PDE1A: variants seen among roughly 807,000 people sequenced by gnomAD.
PDE1A encodes the protein phosphodiesterase 1A.
In PDE1A, 35 loss-of-function variants were observed where a neutral mutation model predicts 61.7. The ratio of observed to expected loss-of-function variants is 0.57; its 90% CI spans 0.43 to 0.75. PDE1A has a LOEUF of 0.75. Ranked by LOEUF, PDE1A falls within the 30% of genes least tolerant of loss-of-function variation. PDE1A has a pLI of 0.00. For missense variants in PDE1A, 597 were observed against 630.6 expected, an observed-to-expected ratio of 0.95 and a Z score of 0.57; for synonymous variants, 232 against 213.2, an observed-to-expected ratio of 1.09 and a Z score of -0.77.
the PDE1A span, among the ~76,000 whole-genome samples, chr2:182,651,243 G>A: frequency 2.6e-5 from 4 of 152,144 alleles, no homozygotes; most frequent in Non-Finnish European, 5.9e-5. Flanking sequence ...CTGACCTCAA[G>A]TGGTCCACCC....
At chr2:182,635,811 T>C in the PDE1A span, among the ~76,000 whole-genome samples, 1 of 152,038 alleles carries the variant, frequency 6.6e-6, no homozygotes, top group Admixed American at 6.6e-5. Flanking sequence ...AAATAAAAAT[T>C]GTACATATTT....
chr2:182,253,641 T>C (rs991754340), intron 2 of PDE1A, among the ~76,000 whole-genome samples: 19 of 152,172 alleles, frequency 1.2e-4, no homozygotes, highest in Non-Finnish European at 2.5e-4. Context: ...AACTGGTTAA[T>C]ATCAGTTAGG....
At chr2:182,532,471 A>G in the PDE1A span, among the ~76,000 whole-genome samples, 1 of 152,224 alleles carries the variant, frequency 6.6e-6, no homozygotes, top group Middle Eastern at 3.2e-3. Flanking sequence ...GAAATGCAGA[A>G]AAGGCAAATC....
At chr2:182,665,783 A>G in the PDE1A span, among the ~76,000 whole-genome samples, 12 of 152,232 alleles carry the variant, frequency 7.9e-5, no homozygotes, top group Non-Finnish European at 1.5e-4. Context: ...TTATTGCAGC[A>G]CTATTTACAA....
At chr2:182,691,373 C>T in the PDE1A span, among the ~76,000 whole-genome samples, 6 of 152,116 alleles carry the variant, frequency 3.9e-5, no homozygotes, top group Non-Finnish European at 5.9e-5. Flanking sequence ...AGAAATAATA[C>T]CACACATCTA....
intron 1 of PDE1A, among the ~76,000 whole-genome samples, chr2:182,270,406 C>T (rs377672750): frequency 2.6e-5 from 4 of 152,032 alleles, no homozygotes; most frequent in African/African-American, 7.2e-5. Flanking sequence ...TCTAAGCTAC[C>T]GTTACATAAC....
chr2:182,195,510 C>G (rs1559167171), intron 10 of PDE1A, among the ~76,000 whole-genome samples: 1 of 152,012 alleles, frequency 6.6e-6, no homozygotes, highest in Admixed American at 6.6e-5. Context: ...TATGTTTGAC[C>G]AATGTACATA....
Position 182,275,828 on chromosome 2 carries a change from C to T in PDE1A, c.54-11414G>A, listed in dbSNP as rs943560010. ...TCTAACTTTCTAAATGCTCTTTCAA[C>T]CAGTCATAACTTCTTACTGATTCCC... On this transcript the variant is annotated intron_variant, in intron 1 of 13. Coordinates refer to ENST00000351439, the Ensembl canonical transcript of PDE1A. 7.9e-5 allele frequency among the ~76,000 whole-genome samples: 12 copies of T among 152,046 alleles called. No homozygotes were observed. The East Asian group carries it at 2.1e-3, about 27-fold the overall frequency.
chr2:182,698,348 A>C, the PDE1A span, among the ~76,000 whole-genome samples: 3 of 152,242 alleles, frequency 2.0e-5, no homozygotes, highest in Non-Finnish European at 4.4e-5. Flanking sequence ...TCTTAAGGTA[A>C]GAAATCTGAA....
chr2:182,602,992 C>CACACACACACACATACAT, the PDE1A span, among the ~76,000 whole-genome samples: 8 of 130,388 alleles, frequency 6.1e-5, no homozygotes, highest in African/African-American at 2.3e-4. Context: ...CACACACACA[C>CACACACACACACATACAT]ACATACATAC....
the PDE1A span, among the ~76,000 whole-genome samples, chr2:182,627,240 A>AAAATATAAATAATATATTATTT: frequency 1.8e-5 from 1 of 56,460 alleles, no homozygotes; most frequent in Non-Finnish European, 2.9e-5. Flanking sequence ...ATTTATATAT[A>AAAATATAAATAATATATTATTT]AAATATAAAT....
At chr2:182,241,451 C>T (rs933789795) in intron 2 of PDE1A, among the ~76,000 whole-genome samples, 2 of 152,172 alleles carry the variant, frequency 1.3e-5, no homozygotes, top group African/African-American at 4.8e-5. Context: ...ATGCTAATGC[C>T]TCAGAAACAA....
the PDE1A span, among the ~76,000 whole-genome samples, chr2:182,605,571 T>G: frequency 4.6e-5 from 7 of 152,194 alleles, no homozygotes; most frequent in African/African-American, 1.7e-4. Flanking sequence ...AATAAACCTG[T>G]TTTTTAAGTC....
intron 13 of PDE1A, among the ~76,000 whole-genome samples, chr2:182,180,178 T>C (rs905007893): frequency 1.4e-4 from 21 of 152,182 alleles, no homozygotes; most frequent in Non-Finnish European, 3.1e-4. Context: ...AGATGCATTT[T>C]AATAGCTTAT....
chr2:182,548,604 A>G, the PDE1A span, among the ~76,000 whole-genome samples: 1 of 152,190 alleles, frequency 6.6e-6, no homozygotes, highest in Non-Finnish European at 1.5e-5. Context: ...TTTTTTAAAT[A>G]AGGAGGCTAG....
the PDE1A span, among the ~76,000 whole-genome samples, chr2:182,540,548 T>C: frequency 6.6e-6 from 1 of 152,088 alleles, no homozygotes; most frequent in Non-Finnish European, 1.5e-5. Flanking sequence ...GCCACACTGA[T>C]GTAGAATAAC....
chr2:182,211,373 T>TA, intron 7 of PDE1A, among the ~76,000 whole-genome samples: 1 of 152,230 alleles, frequency 6.6e-6, no homozygotes, highest in African/African-American at 2.4e-5. Context: ...TTCATTGATC[T>TA]ATTTGTCTGT....
At chr2:182,389,511 C>T (rs1232474065) in intron 1 of PDE1A, among the ~76,000 whole-genome samples, 1 of 152,002 alleles carries the variant, frequency 6.6e-6, no homozygotes, top group Non-Finnish European at 1.5e-5. Context: ...TATCAGTAAT[C>T]ATCAGGGAAA....
At chr2:182,369,077 T>C (rs1439220790) in intron 1 of PDE1A, among the ~76,000 whole-genome samples, 1 of 152,182 alleles carries the variant, frequency 6.6e-6, no homozygotes, top group African/African-American at 2.4e-5. Context: ...AACCATTGTA[T>C]ATATCACCTT....
Sources: allele counts gnomAD v4.1 joint callset (sites outside exome capture counted in the v4.1 genomes callset), GRCh38; gene constraint gnomAD v4.1.1; transcripts MANE v1.5; gene names NCBI Gene and HGNC (gene_info 2026-07-23, HGNC 2026-07-21).